PPP1R9B: variants seen among roughly 807,000 people sequenced by gnomAD.
PPP1R9B encodes neurabin-2.
Under a neutral mutation model 75.8 loss-of-function variants are expected in PPP1R9B, and 17 were observed. The ratio of observed to expected loss-of-function variants is 0.22; its 90% CI spans 0.15 to 0.34. PPP1R9B has a LOEUF of 0.34. Among genes scored for constraint, PPP1R9B ranks in the 10% least tolerant of loss-of-function variants. The pLI is 1.00. For synonymous variants in PPP1R9B, 509 were observed against 535.4 expected (o/e 0.95, Z 0.68); for missense variants, 875 against 1,196.0 (o/e 0.73, Z 3.96).
rs780134756 is a variant in PPP1R9B, at chr17:50,140,120, G to A, written c.1839C>T (p.Tyr613=). Residue 613 remains tyrosine, a synonymous_variant, in exon 5 of 10, where the codon TAC becomes TAT. Transcript: ENST00000612501. ...CCTCGTCATCCTCCCCATACTGGGC[G>A]TATCTCTGCTCCATCATCTCCCGCT... is the stretch of plus-strand genomic sequence containing the variant. ...RWQREMMEQR[Y]AQYGEDDEET... 6 of 1,613,456 alleles carry A rather than the reference G, an allele frequency of 3.7e-6. No individual in the cohort carries two copies. The highest frequency in any genetic ancestry group is 2.2e-5 in the East Asian group (1 of 44,884).
Position 50,149,080 on chromosome 17 carries a change from G to C in PPP1R9B, c.1371+63C>G, listed in dbSNP as rs1598250839. ...CCAAACCCGGCTGGCTGGCTGGCGA[G>C]CGGGGGCGGCCGCGTGCACGTGGCA... On this transcript the variant is annotated intron_variant, in intron 1 of 9. Coordinates refer to ENST00000612501, the MANE Select transcript of PPP1R9B (RefSeq NM_032595.5). The surrounding 1 kb of genome is among the most constrained non-coding windows in gnomAD (Gnocchi z 7.2). The C allele has an allele frequency of 1.6e-6, 2 of 1,257,894 alleles. No individual in the cohort carries two copies. The highest frequency in any genetic ancestry group is 1.8e-5 in the South Asian group (1 of 57,062). The allele number at this position is 1,257,894 out of a possible 1,614,324, so 77.9% of individuals were successfully genotyped here.
At position 50,139,085 on chromosome 17, in the gene PPP1R9B, G is replaced by C. The variant is rs1912302358; in HGVS notation, c.2073+178C>G. Among the ~76,000 whole-genome samples the C allele has an allele frequency of 6.6e-6, 1 of 152,240 alleles. No individual in the cohort carries two copies. The highest frequency in any genetic ancestry group is 2.4e-5 in the African/African-American group (1 of 41,464). On this transcript the variant is annotated intron_variant, in intron 7 of 9. Transcript: ENST00000612501. The surrounding 1 kb of genome is among the most constrained non-coding windows in gnomAD (Gnocchi z 5.0). ...CAGAGAAGCAAGTGATGCTGGAGCA[G>C]ATGGATCCAGAGCTTAAGCTCTTAA...
chr17:50,149,844 G>C lies in PPP1R9B; in HGVS notation c.670C>G (p.Leu224Val), dbSNP rs995313263. The change falls in exon 1 of 10, where the codon CTC (leucine) becomes GTC (valine). Residue 224 changes from leucine (L) to valine (V), a missense_variant. This residue lies in a region of PPP1R9B where 449 missense variants were observed against 475.0 expected (regional missense o/e 0.95). Transcript: ENST00000612501. The surrounding 1 kb of genome is among the most constrained non-coding windows in gnomAD (Gnocchi z 7.2). ...CTGGGGAGCCCGGGCCCGCGGTGGA[G>C]GCCGGTCCTCGAGTCGGCCTTCTCG... ...VFEKADSRTG[L>V]HRGPGLPRAA... The C allele has an allele frequency of 4.7e-6, 7 of 1,478,210 alleles. No homozygotes were observed. In the African/African-American group the frequency reaches 8.8e-5, roughly 19 times the overall value. 91.6% of individuals were successfully genotyped at this position (1,478,210 alleles called of 1,614,324 possible).
At position 50,135,953 on chromosome 17, in the gene PPP1R9B, C is replaced by A; in HGVS notation, c.2303+15G>T. On this transcript the variant is annotated intron_variant, in intron 8 of 9. Coordinates refer to ENST00000612501, the MANE Select transcript of PPP1R9B (RefSeq NM_032595.5). ...TGCTCCCTGGGCCCAGCCCGCCCAG[C>A]CCCCAGCCACGTACTTCTGCTGGTA... 1 of 1,524,524 alleles carries A rather than the reference C, an allele frequency of 6.6e-7. No individual in the cohort carries two copies. Among genetic ancestry groups the A allele is most frequent in the Admixed American group, 2.0e-5 (1 of 51,024 alleles). The allele number at this position is 1,524,524 out of a possible 1,614,324, so 94.4% of individuals were successfully genotyped here.
In PPP1R9B at chr17:50,149,799, C is replaced by T; in HGVS notation, c.715G>A (p.Val239Ile). ...GLPRAAGVPQ[V>I]NSKLVSKRSR... ...CGCTTGCTGACCAGCTTCGAGTTGA[C>T]CTGGGGAACCCCTGCGGCCCTGGGG... Residue 239 changes from valine (V) to isoleucine (I), a missense_variant, in exon 1 of 10, where the codon GTC (valine) becomes ATC (isoleucine). By Grantham distance (29) the Val-to-Ile change is conservative. Coordinates refer to ENST00000612501, the MANE Select transcript of PPP1R9B (RefSeq NM_032595.5). The surrounding 1 kb of genome is among the most constrained non-coding windows in gnomAD (Gnocchi z 7.2). 3.5e-6 allele frequency: 5 copies of T among 1,417,730 alleles called. No homozygotes were observed. The highest frequency in any genetic ancestry group is 4.6e-6 in the Non-Finnish European group (5 of 1,093,060). 87.8% of individuals were successfully genotyped at this position (1,417,730 alleles called of 1,614,324 possible). A position where few individuals can be genotyped will look rare whatever the true frequency, so the allele number is the denominator to read the frequency against.
chr17:50,148,506 A>AC (rs1912580057), intron 1 of PPP1R9B, among the ~76,000 whole-genome samples: 1 of 151,982 alleles, frequency 6.6e-6, no homozygotes, highest in African/African-American at 2.4e-5. Context: ...GCCTGCAGGG[A>AC]CCCCCAGGGA....
chr17:50,135,366 T>C lies in PPP1R9B; in HGVS notation c.2419A>G (p.Asn807Asp), dbSNP rs780120963. 82 of 1,613,560 alleles carry C rather than the reference T, an allele frequency of 5.1e-5. No homozygotes were observed. The South Asian group carries it at 8.2e-4, about 16-fold the overall frequency. Residue 807 changes from asparagine to aspartate, a missense_variant, in exon 10 of 10, where the codon AAC becomes GAC. Coordinates refer to ENST00000612501, the MANE Select transcript of PPP1R9B (RefSeq NM_032595.5). Reference protein sequence around the residue: ...LLDKISELEGNLQTLRNSNST With the variant: ...LLDKISELEGDLQTLRNSNST Reference sequence around the variant, plus strand: ...TTGGAATTCCTCAGTGTTTGCAAGTTTCCTTCCAGTTCTGAGATCTGGAAA... The same window carrying C: ...TTGGAATTCCTCAGTGTTTGCAAGTCTCCTTCCAGTTCTGAGATCTGGAAA...
intron 7 of PPP1R9B, among the ~76,000 whole-genome samples, chr17:50,136,408 C>T (rs918440911): frequency 6.6e-6 from 1 of 152,146 alleles, no homozygotes; most frequent in Non-Finnish European, 1.5e-5. Context: ...CACCAGACTC[C>T]CTGTCACTGC....
rs1159815512 is a variant in PPP1R9B, at chr17:50,142,327, C to T, written c.1626-954G>A. Among the ~76,000 whole-genome samples the T allele has an allele frequency of 6.6e-6, 1 of 152,180 alleles. No homozygotes were observed. Among genetic ancestry groups the T allele is most frequent in the Non-Finnish European group, 1.5e-5 (1 of 68,040 alleles). On this transcript the variant is annotated intron_variant, in intron 3 of 9. Coordinates refer to ENST00000612501, the MANE Select transcript of PPP1R9B (RefSeq NM_032595.5). The surrounding 1 kb of genome is among the most constrained non-coding windows in gnomAD (Gnocchi z 4.1). The stretch of plus-strand genomic sequence containing the variant: ...AAATGGCCTATTGTCAACAGCTCAC[C>T]CCAACACATGCCACTCCCAGGTGGG...
At chr17:50,148,123 G>T (rs1356688598) in intron 1 of PPP1R9B, among the ~76,000 whole-genome samples, 1 of 152,046 alleles carries the variant, frequency 6.6e-6, no homozygotes, top group Non-Finnish European at 1.5e-5. Context: ...GAAGTGGGGG[G>T]AGGGGTGGCC....
intron 7 of PPP1R9B, among the ~76,000 whole-genome samples, chr17:50,137,840 C>G (rs2066090378): frequency 6.6e-6 from 1 of 152,164 alleles, no homozygotes; most frequent in Non-Finnish European, 1.5e-5. Flanking sequence ...CTGGCCTCCC[C>G]TCAAAGCCAG....
Position 50,149,569 on chromosome 17 carries a change from G to A in PPP1R9B, c.945C>T (p.Pro315=), listed in dbSNP as rs563936018. 5.1e-6 allele frequency: 8 copies of A among 1,582,592 alleles called. No individual in the cohort carries two copies. In the African/African-American group the frequency reaches 9.5e-5, roughly 19 times the overall value. The change falls in exon 1 of 10, where the codon CCC becomes CCT. Residue 315 remains proline, a synonymous_variant. Coordinates refer to ENST00000612501, the MANE Select transcript of PPP1R9B (RefSeq NM_032595.5). The surrounding 1 kb of genome is among the most constrained non-coding windows in gnomAD (Gnocchi z 7.2). ...ESGESEAESA[P]GEVIQAEVTV... ...TAACCTCGGCCTGGATCACCTCCCC[G>A]GGCGCCGACTCGGCCTCCGACTCCC... is the stretch of plus-strand genomic sequence containing the variant.
At chr17:50,144,628 C>T (rs1255734303) in intron 2 of PPP1R9B, among the ~76,000 whole-genome samples, 1 of 152,238 alleles carries the variant, frequency 6.6e-6, no homozygotes, top group Non-Finnish European at 1.5e-5. Flanking sequence ...GAGTGCAACT[C>T]AAGCTTCACT....
intron 1 of PPP1R9B, among the ~76,000 whole-genome samples, chr17:50,146,720 C>A (rs939373940): frequency 6.6e-6 from 1 of 152,194 alleles, no homozygotes; most frequent in African/African-American, 2.4e-5. Context: ...TTGCACCCCT[C>A]GAACAAACAG....
At position 50,149,769 on chromosome 17, in the gene PPP1R9B, G is replaced by C. The variant is rs1328875567; in HGVS notation, c.745C>G (p.Arg249Gly). 8.5e-6 allele frequency: 12 copies of C among 1,411,502 alleles called. No homozygotes were observed. The highest frequency in any genetic ancestry group is 1.0e-5 in the Non-Finnish European group (11 of 1,091,736). 87.4% of individuals were successfully genotyped at this position (1,411,502 alleles called of 1,614,324 possible). ...GGCGGCGGCGGGGGCTGGAACACCC[G>C]GGACCGCTTGCTGACCAGCTTCGAG... ...VNSKLVSKRS[R>G]VFQPPPPPPP... The change falls in exon 1 of 10, where the codon CGG becomes GGG. Residue 249 changes from arginine to glycine, a missense_variant. Physicochemically the swap from Arg to Gly is moderately radical, Grantham distance 125. Transcript: ENST00000612501. This position sits in a 1 kb window ranked among gnomAD's most constrained non-coding sequence, Gnocchi z 7.2.
intron 7 of PPP1R9B, among the ~76,000 whole-genome samples, chr17:50,136,760 C>G (rs946215699): frequency 2.6e-5 from 4 of 152,130 alleles, no homozygotes; most frequent in Non-Finnish European, 4.4e-5. Context: ...TCTCTCTATA[C>G]TCACTGCCCT....
intron 4 of PPP1R9B, among the ~76,000 whole-genome samples, chr17:50,140,747 C>T (rs1912353680): frequency 6.6e-6 from 1 of 152,180 alleles, no homozygotes; most frequent in Non-Finnish European, 1.5e-5. Flanking sequence ...CCACCCTTTC[C>T]TGGGGGTAGT....
intron 3 of PPP1R9B, among the ~76,000 whole-genome samples, chr17:50,141,643 A>G (rs1173675747): frequency 2.7e-5 from 4 of 150,734 alleles, no homozygotes; most frequent in Non-Finnish European, 3.0e-5. Context: ...AGCCTGGGCA[A>G]CAGAGTAAGA....
In PPP1R9B at chr17:50,141,364, C is replaced by T. The variant is rs762807582; in HGVS notation, c.1635G>A (p.Val545=). 1.3e-6 allele frequency: 2 copies of T among 1,581,944 alleles called. No individual in the cohort carries two copies. The highest frequency in any genetic ancestry group is 4.7e-5 in the East Asian group (2 of 42,888). ...GAAHRDGRIQ[V]NDLLVEVDGT... is the part of the protein sequence containing the mutation. ...CATCCACCTCCACCAGGAGATCATT[C>T]ACCTGGATCCTAGCGGAGTGACATT... is the stretch of plus-strand genomic sequence containing the variant. The change falls in exon 4 of 10, where the codon GTG becomes GTA. Residue 545 remains valine (V), a synonymous_variant. Coordinates refer to ENST00000612501, the MANE Select transcript of PPP1R9B (RefSeq NM_032595.5).
Sources: gnomAD v4.1 joint callset for allele counts (sites outside exome capture counted in the v4.1 genomes callset) on GRCh38, gnomAD v4.1.1 for gene constraint, gnomAD v4.1.1 regional missense constraint, Gnocchi (gnomAD v3.1) non-coding constraint, MANE v1.5 for transcripts, NCBI Gene and HGNC (gene_info 2026-07-23, HGNC 2026-07-21) for gene names.